PCDH9: variants seen among roughly 807,000 people sequenced by gnomAD.
PCDH9 encodes protocadherin-9.
PCDH9 carries 24 observed loss-of-function variants against 70.6 expected under a neutral mutation model. The ratio of observed to expected loss-of-function variants is 0.34; its 90% CI spans 0.25 to 0.48. The LOEUF (loss-of-function observed/expected upper bound fraction) is 0.48, where lower values mean the gene tolerates loss of function less well. Among genes scored for constraint, PCDH9 ranks in the 20% least tolerant of loss-of-function variants. The pLI, the probability that PCDH9 is intolerant of heterozygous loss-of-function variation, is 0.99. For missense variants in PCDH9, 1,281 were observed against 1,503.6 expected (o/e 0.85, Z 2.45); for synonymous variants, 562 against 558.5 (o/e 1.01, Z -0.09).
At chr13:66,488,189 C>T (rs188988164) in intron 4 of PCDH9, among the ~76,000 whole-genome samples, 2 of 152,178 alleles carry the variant, frequency 1.3e-5, no homozygotes, top group Admixed American at 6.5e-5. Flanking sequence ...TAGAAAGAGC[C>T]GACGCTGAAA....
intron 3 of PCDH9, among the ~76,000 whole-genome samples, chr13:66,670,112 C>A (rs1464277172): frequency 6.6e-6 from 1 of 152,046 alleles, no homozygotes; most frequent in Admixed American, 6.6e-5. Flanking sequence ...TCAAATTCAC[C>A]ACATCTGAAA....
intron 2 of PCDH9, among the ~76,000 whole-genome samples, chr13:67,186,437 G>A (rs980293369): frequency 2.6e-5 from 4 of 152,100 alleles, no homozygotes; most frequent in African/African-American, 9.7e-5. Context: ...AATGTACATC[G>A]TAATCACCTG....
At chr13:67,152,646 A>T (rs2987327) in intron 2 of PCDH9, among the ~76,000 whole-genome samples, 143,207 of 152,228 alleles carry the variant, frequency 0.94, 67,575 homozygotes, top group Non-Finnish European at 0.98. Flanking sequence ...CAAAGGCGTG[A>T]TGTCTCATCC....
chr13:67,197,858 A>G (rs1447555042), intron 2 of PCDH9, among the ~76,000 whole-genome samples: 1 of 151,890 alleles, frequency 6.6e-6, no homozygotes, highest in Admixed American at 6.6e-5. Flanking sequence ...TCTTAAATGT[A>G]TCAATTAATA....
intron 3 of PCDH9, among the ~76,000 whole-genome samples, chr13:66,881,032 G>A (rs1432907147): frequency 6.6e-6 from 1 of 152,158 alleles, no homozygotes; most frequent in Non-Finnish European, 1.5e-5. Context: ...AGTTTTCAAT[G>A]AGATAATTCA....
rs564464367 is a variant in PCDH9 at position 66,946,933 on chromosome 13, T to C, written c.3037-43328A>G. On this transcript the variant is annotated intron_variant, in intron 2 of 4. Transcript: ENST00000377865. ...ACTATGTTTGTGTTATGAATCTTTC[T>C]TCCTTAACAAAAATGGGCTCCTTAA... 2.5e-3 allele frequency among the ~76,000 whole-genome samples: 376 copies of C among 152,292 alleles called. 3 individuals are homozygous for C. Among genetic ancestry groups the C allele is most frequent in the African/African-American group, 8.8e-3 (365 of 41,560 alleles).
intron 4 of PCDH9, among the ~76,000 whole-genome samples, chr13:66,443,313 G>A (rs1958008603): frequency 6.6e-6 from 1 of 152,130 alleles, no homozygotes; most frequent in Non-Finnish European, 1.5e-5. Flanking sequence ...CTGCTGAAGT[G>A]AGCAAAATGA....
chr13:67,090,283 G>A (rs535734718), intron 2 of PCDH9, among the ~76,000 whole-genome samples: 19 of 151,996 alleles, frequency 1.3e-4, no homozygotes, highest in African/African-American at 4.1e-4. Context: ...TCCAGGGTAG[G>A]ACTTCATACT....
At chr13:66,574,930 C>T (rs545881865) in intron 4 of PCDH9, among the ~76,000 whole-genome samples, 157 of 152,118 alleles carry the variant, frequency 1.0e-3, no homozygotes, top group Non-Finnish European at 1.7e-3. Flanking sequence ...CCCAGCCCTT[C>T]GGGAGGCTGA....
At chr13:66,765,622 A>G (rs2079703385) in intron 3 of PCDH9, among the ~76,000 whole-genome samples, 1 of 152,138 alleles carries the variant, frequency 6.6e-6, no homozygotes, top group South Asian at 2.1e-4. Flanking sequence ...TTTACAAAGT[A>G]ATTTAATTGC....
chr13:66,489,155 T>C (rs540952412), intron 4 of PCDH9, among the ~76,000 whole-genome samples: 1 of 152,298 alleles, frequency 6.6e-6, no homozygotes, highest in Admixed American at 6.5e-5. Flanking sequence ...TTTATTTTTT[T>C]GATGTTTGGA....
At chr13:66,684,048 C>T (rs751977533) in intron 3 of PCDH9, among the ~76,000 whole-genome samples, 58 of 152,062 alleles carry the variant, frequency 3.8e-4, no homozygotes, top group South Asian at 6.2e-4. Context: ...AGTTGTACTA[C>T]GTTTTAATAA....
chr13:66,708,113 G>A (rs1377656127), intron 3 of PCDH9, among the ~76,000 whole-genome samples: 1 of 151,346 alleles, frequency 6.6e-6, no homozygotes, highest in African/African-American at 2.4e-5. Flanking sequence ...GCAGTGGCGG[G>A]ATCTCGGCTC....
intron 4 of PCDH9, among the ~76,000 whole-genome samples, chr13:66,548,946 G>A (rs1290723363): frequency 6.6e-6 from 1 of 151,878 alleles, no homozygotes; most frequent in African/African-American, 2.4e-5. Context: ...GATTTTTAAT[G>A]TTTTGTTAAA....
intron 4 of PCDH9, among the ~76,000 whole-genome samples, chr13:66,602,902 G>GA (rs112067099): frequency 0.027 from 3,945 of 145,778 alleles, 421 homozygotes; most frequent in African/African-American, 0.092. Flanking sequence ...GAGATATACA[G>GA]TATTGTGTTA....
chr13:66,359,931 T>G (rs1229189638), intron 4 of PCDH9, among the ~76,000 whole-genome samples: 1 of 152,064 alleles, frequency 6.6e-6, no homozygotes, highest in Non-Finnish European at 1.5e-5. Flanking sequence ...GAATATGAGT[T>G]AGGGTGATGG....
intron 2 of PCDH9, among the ~76,000 whole-genome samples, chr13:67,179,801 G>A (rs969790927): frequency 2.6e-5 from 4 of 152,104 alleles, no homozygotes; most frequent in Admixed American, 6.6e-5. Context: ...AATTTCTTGG[G>A]TGTGTTATCA....
chr13:66,472,248 A>G (rs2138485110), intron 4 of PCDH9, among the ~76,000 whole-genome samples: 1 of 151,556 alleles, frequency 6.6e-6, no homozygotes, highest in East Asian at 1.9e-4. Flanking sequence ...AAGAAAAGAA[A>G]ATAGAAATGT....
At chr13:67,147,401 TG>T (rs1298611030) in intron 2 of PCDH9, among the ~76,000 whole-genome samples, 2 of 152,164 alleles carry the variant, frequency 1.3e-5, no homozygotes, top group Admixed American at 6.5e-5. Flanking sequence ...GATATAAAGC[TG>T]GGAATGTGTA....
Sources: gnomAD v4.1 joint callset for allele counts (sites outside exome capture counted in the v4.1 genomes callset) on GRCh38, gnomAD v4.1.1 for gene constraint, MANE v1.5 for transcripts, NCBI Gene and HGNC (gene_info 2026-07-23, HGNC 2026-07-21) for gene names.